WNT3: variants seen among roughly 807,000 people sequenced by gnomAD.
The protein encoded by WNT3 is proto-oncogene Wnt-3.
WNT3 carries 7 observed loss-of-function variants against 34.2 expected under a neutral mutation model. The observed-to-expected ratio is 0.20, with a 90% CI of 0.12 to 0.38. WNT3 has a LOEUF of 0.38. Among genes scored for constraint, WNT3 ranks in the 10% least tolerant of loss-of-function variants. WNT3 has a pLI of 1.00. For synonymous variants in WNT3, 212 were observed against 211.5 expected, an observed-to-expected ratio of 1.00 and a Z score of -0.02; for missense variants, 267 against 499.8, an observed-to-expected ratio of 0.53 and a Z score of 4.44.
At chr17:46,803,311 A>G (rs932776146) in intron 1 of WNT3, among the ~76,000 whole-genome samples, 4 of 152,238 alleles carry the variant, frequency 2.6e-5, no homozygotes, top group Admixed American at 6.5e-5. Context: ...AGACAGGCAG[A>G]TCACCTGAGC....
intron 1 of WNT3, among the ~76,000 whole-genome samples, chr17:46,776,626 C>T (rs2059414670): frequency 6.6e-6 from 1 of 152,130 alleles, no homozygotes; most frequent in Non-Finnish European, 1.5e-5. Flanking sequence ...CATCTCCAGC[C>T]CAGCCCTGCT....
In WNT3 at chr17:46,779,769, T is replaced by C. The variant is rs199762626; in HGVS notation, c.81-5860A>G. 2.3e-3 allele frequency among the ~76,000 whole-genome samples: 335 copies of C among 143,750 alleles called. 1 individual carries two copies. Among genetic ancestry groups the C allele is most frequent in the South Asian group, 5.2e-3 (23 of 4,440 alleles). The allele number at this position is 143,750 out of a possible 152,430, so 94.3% of individuals were successfully genotyped here. On this transcript the variant is annotated intron_variant, in intron 1 of 4. Transcript: ENST00000225512. Reference sequence around the variant, plus strand: ...ACAAGGCAGAGAGGACCTTTTTTTTTCTTTTTTTGAGACAGAATCTTGCTC... The same window carrying C: ...ACAAGGCAGAGAGGACCTTTTTTTTCCTTTTTTTGAGACAGAATCTTGCTC...
At chr17:46,817,233 G>A (rs1447199193) in intron 1 of WNT3, among the ~76,000 whole-genome samples, 3 of 152,170 alleles carry the variant, frequency 2.0e-5, no homozygotes, top group African/African-American at 7.2e-5. Flanking sequence ...CTCCTACCCT[G>A]GACTCTGGGT....
At chr17:46,811,798 A>T (rs980953962) in intron 1 of WNT3, among the ~76,000 whole-genome samples, 1 of 152,110 alleles carries the variant, frequency 6.6e-6, no homozygotes, top group Non-Finnish European at 1.5e-5. Flanking sequence ...TCTACTAAAA[A>T]ATTCAAATAT....
At chr17:46,775,611 T>TGTA (rs2059406527) in intron 1 of WNT3, among the ~76,000 whole-genome samples, 1 of 142,758 alleles carries the variant, frequency 7.0e-6, no homozygotes, top group African/African-American at 2.6e-5. Context: ...CAGAAGTTCT[T>TGTA]TTTTTTTTTT....
rs374185346 is a variant in WNT3 at position 46,763,831 on chromosome 17, C to CAAAAAAAAAAA, written c.*788_*798dup. 8.1e-6 allele frequency: 1 copy of CAAAAAAAAAAA among 123,680 alleles called. No homozygotes were observed. The allele number at this position is 123,680 out of a possible 1,614,324, so 7.7% of individuals were successfully genotyped here. On this transcript the variant is annotated 3_prime_UTR_variant, in exon 5 of 5. Transcript: ENST00000225512. ...GCCTATTTACAAGGTCCACTACCACCAAAAAAAAAAAAAAACAAAAAAACA... is the reference window on the plus strand; with the variant it reads ...GCCTATTTACAAGGTCCACTACCACCAAAAAAAAAAAAAAAAAAAAAAAAAACAAAAAAACA...
At chr17:46,769,153 C>T (rs1008741219) in intron 3 of WNT3, among the ~76,000 whole-genome samples, 1 of 151,980 alleles carries the variant, frequency 6.6e-6, no homozygotes, top group Admixed American at 6.6e-5. Flanking sequence ...CCCGTCTCTA[C>T]TAAAAATACA....
chr17:46,771,184 C>A (rs1436742970), intron 2 of WNT3, among the ~76,000 whole-genome samples: 1 of 152,212 alleles, frequency 6.6e-6, no homozygotes, highest in Non-Finnish European at 1.5e-5. Context: ...CCACTTCCAA[C>A]GACGGGAGGG....
intron 1 of WNT3, among the ~76,000 whole-genome samples, chr17:46,801,577 G>A (rs958981246): frequency 6.6e-6 from 1 of 152,124 alleles, no homozygotes; most frequent in Admixed American, 6.6e-5. Flanking sequence ...CTGTGATTGC[G>A]CCATTACACT....
chr17:46,813,434 G>A (rs987980102), intron 1 of WNT3, among the ~76,000 whole-genome samples: 17 of 141,136 alleles, frequency 1.2e-4, no homozygotes, highest in Non-Finnish European at 2.5e-4. Flanking sequence ...TAACATGGAT[G>A]TACAGATGTA....
At chr17:46,770,197 C>T (rs1297173491) in intron 2 of WNT3, 149 bp from the exon 3 acceptor site, 1 of 1,139,402 alleles carries the variant, frequency 8.8e-7, no homozygotes, top group African/African-American at 1.6e-5. Context: ...GGCAGCTTCC[C>T]CACCCTCTTT....
rs2059337826 is a variant in WNT3, at chr17:46,768,884, C to T, written c.589-85G>A. Reference sequence around the variant, plus strand: ...CCTTCCCTCTCTGCCACTGCCCACCCCCTTCCCTCCAGCCTTCTCTACTCC... The same window carrying T: ...CCTTCCCTCTCTGCCACTGCCCACCTCCTTCCCTCCAGCCTTCTCTACTCC... On this transcript the variant is annotated intron_variant, in intron 3 of 4. Coordinates refer to ENST00000225512, the MANE Select transcript of WNT3 (RefSeq NM_030753.5). The surrounding 1 kb of genome is among the most constrained non-coding windows in gnomAD (Gnocchi z 5.0). 1 of 1,550,572 alleles carries T rather than the reference C, an allele frequency of 6.4e-7. No homozygotes were observed. The highest frequency in any genetic ancestry group is 1.3e-5 in the African/African-American group (1 of 74,088).
intron 4 of WNT3, among the ~76,000 whole-genome samples, chr17:46,766,500 G>T (rs576988891): frequency 6.6e-6 from 1 of 151,864 alleles, no homozygotes; most frequent in African/African-American, 2.4e-5. Flanking sequence ...CTGAGTGGAC[G>T]AGTGGAGGCG....
chr17:46,787,376 A>ATT (rs1810103364), intron 1 of WNT3, among the ~76,000 whole-genome samples: 1 of 152,162 alleles, frequency 6.6e-6, no homozygotes, highest in African/African-American at 2.4e-5. Flanking sequence ...CATGTTAGTG[A>ATT]TTCTATTACA....
chr17:46,783,234 C>G (rs1447482482), intron 1 of WNT3, among the ~76,000 whole-genome samples: 1 of 152,186 alleles, frequency 6.6e-6, no homozygotes, highest in Non-Finnish European at 1.5e-5. Context: ...CATGAAGGAG[C>G]AGCTGCCCGG....
At chr17:46,790,095 C>A (rs536004463) in intron 1 of WNT3, among the ~76,000 whole-genome samples, 1 of 152,144 alleles carries the variant, frequency 6.6e-6, no homozygotes, top group Non-Finnish European at 1.5e-5. Flanking sequence ...CATCCCCAGG[C>A]GAGGCAGTCC....
intron 3 of WNT3, 28 bp downstream of exon 3, chr17:46,769,755 A>C: frequency 6.2e-7 from 1 of 1,606,534 alleles, no homozygotes; most frequent in Non-Finnish European, 8.5e-7. Context: ...TGCTCCCTGA[A>C]GGGTTTGGGG....
At chr17:46,772,481 G>A (rs1193547976) in intron 2 of WNT3, among the ~76,000 whole-genome samples, 1 of 152,210 alleles carries the variant, frequency 6.6e-6, no homozygotes, top group Admixed American at 6.5e-5. Context: ...CCTGGCCCGA[G>A]GAGGGGCACC....
rs553225015 is a variant in WNT3 at position 46,780,577 on chromosome 17, A to G, written c.81-6668T>C. Reference sequence around the variant, plus strand: ...GCCGAGGCGGGAGGATCACGAGGTCAGGAGATCGAGACCACGGTGAAACCC... The same window carrying G: ...GCCGAGGCGGGAGGATCACGAGGTCGGGAGATCGAGACCACGGTGAAACCC... On this transcript the variant is annotated intron_variant, in intron 1 of 4. Transcript: ENST00000225512. Among the ~76,000 whole-genome samples, 37 of 152,246 alleles carry G rather than the reference A, an allele frequency of 2.4e-4. 1 individual carries two copies. In the South Asian group the frequency reaches 7.3e-3, roughly 30 times the overall value.
Sources: allele counts gnomAD v4.1 joint callset (sites outside exome capture counted in the v4.1 genomes callset), GRCh38; gene constraint gnomAD v4.1.1; non-coding constraint Gnocchi (gnomAD v3.1); transcripts MANE v1.5; gene names NCBI Gene and HGNC (gene_info 2026-07-23, HGNC 2026-07-21).